WDR89: variants seen among roughly 807,000 people sequenced by gnomAD.
The protein encoded by WDR89 is WD repeat domain 89.
A neutral mutation model predicts 29.1 loss-of-function variants in WDR89; 17 were observed. The ratio of observed to expected loss-of-function variants is 0.58; its 90% CI spans 0.40 to 0.88. WDR89 has a LOEUF of 0.88. Among genes scored for constraint, WDR89 ranks in the 40% least tolerant of loss-of-function variants. The pLI, the probability that WDR89 is intolerant of heterozygous loss-of-function variation, is 0.00. For missense variants in WDR89, 396 were observed against 456.3 expected (o/e 0.87, Z 1.20); for synonymous variants, 138 against 157.8 (o/e 0.87, Z 0.94).
chr14:63,622,506 A>T (rs1166251523), intron 2 of WDR89, among the ~76,000 whole-genome samples: 1 of 152,112 alleles, frequency 6.6e-6, no homozygotes, highest in Non-Finnish European at 1.5e-5. Flanking sequence ...GCTTGAACCC[A>T]GGGGGTGGAG....
At chr14:63,602,262 A>G (rs1275385442) in intron 2 of WDR89, among the ~76,000 whole-genome samples, 2 of 152,018 alleles carry the variant, frequency 1.3e-5, no homozygotes, top group African/African-American at 4.8e-5. Flanking sequence ...CACTGAGGTC[A>G]GGAGTTCGAG....
chr14:63,631,854 G>A (rs769979077), intron 1 of WDR89, among the ~76,000 whole-genome samples: 2 of 152,158 alleles, frequency 1.3e-5, no homozygotes, highest in Admixed American at 6.6e-5. Context: ...GTTCACGCCT[G>A]TAATCCCAGC....
intron 2 of WDR89, among the ~76,000 whole-genome samples, chr14:63,620,347 C>T (rs960830509): frequency 2.0e-5 from 3 of 152,064 alleles, no homozygotes; most frequent in African/African-American, 4.8e-5. Flanking sequence ...AAGCCAAATA[C>T]CACATGATCT....
At chr14:63,623,053 G>T (rs1882799957) in intron 2 of WDR89, among the ~76,000 whole-genome samples, 1 of 151,734 alleles carries the variant, frequency 6.6e-6, no homozygotes, top group Admixed American at 6.6e-5. Context: ...ATAAAAATTA[G>T]CCAGGCACAG....
chr14:63,598,687 A>C lies in WDR89; in HGVS notation c.*92T>G. 1 of 1,186,320 alleles carries C rather than the reference A, an allele frequency of 8.4e-7. No homozygotes were observed. 73.5% of individuals were successfully genotyped at this position (1,186,320 alleles called of 1,614,324 possible). Reference sequence around the variant, plus strand: ...ACTGTTTGCTAACTGGCTTGTTTTTACATAAAGCTTTAAACATGTCTACCA... The same window carrying C: ...ACTGTTTGCTAACTGGCTTGTTTTTCCATAAAGCTTTAAACATGTCTACCA... On this transcript the variant is annotated 3_prime_UTR_variant, in exon 3 of 3. Transcript: ENST00000620954.
At chr14:63,637,851 A>G (rs112267535) in intron 1 of WDR89, among the ~76,000 whole-genome samples, 3,067 of 152,198 alleles carry the variant, frequency 0.02, 109 homozygotes, top group African/African-American at 0.068. Context: ...GGTGTAGTGT[A>G]TACTACTCAG....
intron 2 of WDR89, among the ~76,000 whole-genome samples, chr14:63,621,460 T>C (rs1882690203): frequency 6.6e-6 from 1 of 152,042 alleles, no homozygotes; most frequent in South Asian, 2.1e-4. Flanking sequence ...TAGCTGGGTA[T>C]GGTGGCAGGC....
chr14:63,621,080 T>C (rs1169107547), intron 2 of WDR89, among the ~76,000 whole-genome samples: 3 of 152,090 alleles, frequency 2.0e-5, no homozygotes, highest in African/African-American at 7.3e-5. Flanking sequence ...CTTTTATTTG[T>C]TAATTAAAAA....
At chr14:63,612,462 G>C (rs1882050889) in intron 2 of WDR89, among the ~76,000 whole-genome samples, 1 of 151,672 alleles carries the variant, frequency 6.6e-6, no homozygotes, top group Non-Finnish European at 1.5e-5. Flanking sequence ...TGCAACCTCT[G>C]CCTCCCGGGT....
At chr14:63,639,012 G>A (rs1359964464) in intron 1 of WDR89, among the ~76,000 whole-genome samples, 2 of 152,184 alleles carry the variant, frequency 1.3e-5, no homozygotes, top group African/African-American at 2.4e-5. Context: ...GAGGCAGAGG[G>A]AGATGTGACT....
rs367700664 is a variant in WDR89 at position 63,599,298 on chromosome 14, T to C, written c.645A>G (p.Ser215=). The change falls in exon 3 of 3, where the codon TCA becomes TCG. Residue 215 remains serine, a synonymous_variant. Transcript: ENST00000620954. ...EEDALVTTCN[S]ISSVSCIGWS... is the part of the protein sequence containing the mutation. ...AACCAATACAGCTTACTGATGAAATTGAGTTACAGGTTGTAACCAGTGCAT... is the reference window on the plus strand; with the variant it reads ...AACCAATACAGCTTACTGATGAAATCGAGTTACAGGTTGTAACCAGTGCAT... 1.9e-6 allele frequency: 3 copies of C among 1,613,992 alleles called. No individual in the cohort carries two copies. Among genetic ancestry groups the C allele is most frequent in the Non-Finnish European group, 1.7e-6 (2 of 1,179,948 alleles).
intron 1 of WDR89, among the ~76,000 whole-genome samples, chr14:63,629,302 T>A (rs1883256037): frequency 6.6e-6 from 1 of 152,240 alleles, no homozygotes; most frequent in South Asian, 2.1e-4. Flanking sequence ...CACTTCCAGA[T>A]CTTTAACTCC....
chr14:63,609,061 G>A (rs1416989856), intron 2 of WDR89, among the ~76,000 whole-genome samples: 3 of 151,664 alleles, frequency 2.0e-5, no homozygotes, highest in Non-Finnish European at 1.5e-5. Flanking sequence ...GCAGTGAGCC[G>A]AGATGGCGCC....
intron 1 of WDR89, among the ~76,000 whole-genome samples, chr14:63,634,870 C>CA (rs56714759): frequency 0.022 from 2,051 of 95,062 alleles, 54 homozygotes; most frequent in African/African-American, 0.056. Context: ...AACTACATCT[C>CA]AAAAAAAAAA....
intron 2 of WDR89, among the ~76,000 whole-genome samples, chr14:63,610,219 TAAAA>T (rs56984803): frequency 1.5e-5 from 1 of 65,324 alleles, no homozygotes; most frequent in South Asian, 7.2e-4. Flanking sequence ...GACTCTGTCT[TAAAA>T]AAAAAAAAAA....
chr14:63,604,801 G>A (rs185485980), intron 2 of WDR89, among the ~76,000 whole-genome samples: 20 of 152,200 alleles, frequency 1.3e-4, no homozygotes, highest in South Asian at 6.2e-4. Flanking sequence ...AAATCACCAC[G>A]TAAGGACGCT....
At position 63,603,035 on chromosome 14, in the gene WDR89, C is replaced by T. The variant is rs139331392; in HGVS notation, c.-31-3062G>A. ...CCTCCCAAAGTGCTGGGATTACAGG[C>T]GTGAGCCACCACGCCCAGCCTGGAT... is the stretch of plus-strand genomic sequence containing the variant. On this transcript the variant is annotated intron_variant, in intron 2 of 2. Transcript: ENST00000620954. Among the ~76,000 whole-genome samples, 852 of 152,156 alleles carry T rather than the reference C, an allele frequency of 5.6e-3. 2 individuals are homozygous for T. The highest frequency in any genetic ancestry group is 0.024 in the Middle Eastern group (7 of 294).
intron 2 of WDR89, among the ~76,000 whole-genome samples, chr14:63,619,822 T>G (rs1047017200): frequency 6.6e-6 from 1 of 151,846 alleles, no homozygotes; most frequent in Non-Finnish European, 1.5e-5. Context: ...CTGGCCAACA[T>G]AGTGAAACCC....
chr14:63,611,670 C>T (rs1224449632), intron 2 of WDR89, among the ~76,000 whole-genome samples: 1 of 151,700 alleles, frequency 6.6e-6, no homozygotes, highest in African/African-American at 2.4e-5. Context: ...ACTATTTTTG[C>T]AACTTTTCTG....
Sources: allele counts gnomAD v4.1 joint callset (sites outside exome capture counted in the v4.1 genomes callset), GRCh38; gene constraint gnomAD v4.1.1; transcripts MANE v1.5; gene names NCBI Gene and HGNC (gene_info 2026-07-23, HGNC 2026-07-21).